The following NAV3 variants were observed in gnomAD, a reference collection of about 807,000 sequenced individuals.
NAV3 encodes the protein neuron navigator 3, also known as pore membrane and/or filament interacting like protein 1.
NAV3 carries 87 observed loss-of-function variants against 244.7 expected under a neutral mutation model. That is an observed-to-expected ratio of 0.36 (90% CI 0.30 to 0.42). The LOEUF (loss-of-function observed/expected upper bound fraction) is 0.42. NAV3 is among the 20% of genes least tolerant of loss of function. The probability of loss-of-function intolerance (pLI) is 1.00; values close to 1 mark genes in which losing one functional copy is unlikely to be tolerated. For synonymous variants in NAV3, 1,126 were observed against 1,042.2 expected (o/e 1.08, Z -1.55); for missense variants, 2,663 against 2,893.3 (o/e 0.92, Z 1.83).
At chr12:77,932,872 C>G (rs1227221694) in intron 1 of NAV3, among the ~76,000 whole-genome samples, 1 of 152,118 alleles carries the variant, frequency 6.6e-6, no homozygotes, top group Non-Finnish European at 1.5e-5. Context: ...CCAAATAGAA[C>G]TATACAAAAT....
At chr12:78,154,571 A>G (rs1957225408) in intron 22 of NAV3, among the ~76,000 whole-genome samples, 1 of 151,432 alleles carries the variant, frequency 6.6e-6, no homozygotes, top group Admixed American at 6.6e-5. Flanking sequence ...AACCAAAGAG[A>G]GTATGGATTG....
At chr12:78,147,650 T>C (rs1956917873) in intron 21 of NAV3, among the ~76,000 whole-genome samples, 1 of 151,516 alleles carries the variant, frequency 6.6e-6, no homozygotes, top group Non-Finnish European at 1.5e-5. Context: ...GAATCACATT[T>C]GGTGAAATTA....
chr12:77,870,062 T>A (rs1479440300), intron 1 of NAV3, among the ~76,000 whole-genome samples: 1 of 152,050 alleles, frequency 6.6e-6, no homozygotes, highest in Non-Finnish European at 1.5e-5. Context: ...AATGCAAAAG[T>A]AGTTGTATAA....
chr12:77,623,394 G>T (rs1871468574), intron 2 of NAV3, among the ~76,000 whole-genome samples: 1 of 152,136 alleles, frequency 6.6e-6, no homozygotes, highest in Non-Finnish European at 1.5e-5. Flanking sequence ...TTTTGAATTT[G>T]TAGAATATCT....
intron 18 of NAV3, 78 bp downstream of exon 18, chr12:78,128,944 AAC>A: frequency 7.4e-7 from 1 of 1,350,402 alleles, no homozygotes; most frequent in South Asian, 1.3e-5. Context: ...ATCTCTCCAT[AAC>A]ACAACACGTT....
chr12:77,741,514 T>C (rs1868337742), intron 2 of NAV3, among the ~76,000 whole-genome samples: 1 of 152,158 alleles, frequency 6.6e-6, no homozygotes, highest in African/African-American at 2.4e-5. Flanking sequence ...TTTAACTAGT[T>C]TTTAGTCTCA....
chr12:77,637,536 C>A (rs112972068), intron 2 of NAV3, among the ~76,000 whole-genome samples: 85 of 152,136 alleles, frequency 5.6e-4, no homozygotes, highest in African/African-American at 2.0e-3. Context: ...GTCCTAAACA[C>A]GTTATAAATA....
At position 77,691,674 on chromosome 12, in the gene NAV3, C is replaced by T. The variant is rs180865361; in HGVS notation, c.72+119408C>T. On this transcript the variant is annotated intron_variant, in intron 2 of 8. Coordinates refer to the NAV3 transcript ENST00000550042. Reference sequence around the variant, plus strand: ...CGTTGAATTTTCACAAATGGTGTACCTTTATTAAGGTGTATCTTATTGTTT... The same window carrying T: ...CGTTGAATTTTCACAAATGGTGTACTTTTATTAAGGTGTATCTTATTGTTT... 1.4e-4 allele frequency among the ~76,000 whole-genome samples: 21 copies of T among 151,452 alleles called. No homozygotes were observed. The East Asian group carries it at 3.3e-3, about 24-fold the overall frequency.
At chr12:78,110,383 T>G (rs2887727) in intron 12 of NAV3, among the ~76,000 whole-genome samples, 1 of 152,080 alleles carries the variant, frequency 6.6e-6, no homozygotes, top group Non-Finnish European at 1.5e-5. Flanking sequence ...CCACATTCAA[T>G]GCAATTTCTA....
At chr12:78,036,653 T>TGTAA (rs1481004084) in intron 9 of NAV3, 2 of 456,238 alleles carry the variant, frequency 4.4e-6, no homozygotes, top group African/African-American at 3.9e-5. Context: ...GCAAAATATT[T>TGTAA]GTAAGTACTG....
At chr12:78,087,924 G>A (rs547824496) in intron 12 of NAV3, among the ~76,000 whole-genome samples, 20 of 151,804 alleles carry the variant, frequency 1.3e-4, no homozygotes, top group Non-Finnish European at 2.8e-4. Context: ...ATTGCAAAAG[G>A]AGTATCAGAG....
At chr12:78,029,194 A>T (rs1878571815) in intron 9 of NAV3, among the ~76,000 whole-genome samples, 1 of 152,090 alleles carries the variant, frequency 6.6e-6, no homozygotes, top group Non-Finnish European at 1.5e-5. Flanking sequence ...AAAAAAAAAA[A>T]AATACTTTCA....
chr12:78,055,156 G>A (rs1040663583), intron 11 of NAV3, among the ~76,000 whole-genome samples: 2 of 152,116 alleles, frequency 1.3e-5, no homozygotes, highest in African/African-American at 4.8e-5. Context: ...GCCCACATGT[G>A]ACTCACATGA....
intron 38 of NAV3, among the ~76,000 whole-genome samples, chr12:78,201,024 ACTCTCTCTCTTTCT>A (rs1959621755): frequency 2.7e-5 from 1 of 37,572 alleles, no homozygotes; most frequent in African/African-American, 9.7e-5. Context: ...CCCCCTCCCC[ACTCTCTCTCTTTCT>A]CTCTCTCTCT....
At chr12:77,639,939 G>A (rs1872331610) in intron 2 of NAV3, among the ~76,000 whole-genome samples, 1 of 152,118 alleles carries the variant, frequency 6.6e-6, no homozygotes, top group Admixed American at 6.6e-5. Context: ...TCAAAAGGGG[G>A]GCACTAGTTT....
intron 2 of NAV3, among the ~76,000 whole-genome samples, chr12:77,761,404 C>T (rs1298665827): frequency 6.6e-6 from 1 of 152,084 alleles, no homozygotes; most frequent in African/African-American, 2.4e-5. Flanking sequence ...CTGCTATCTC[C>T]CAACATTGTT....
At chr12:78,054,786 A>G (rs1397694251) in intron 11 of NAV3, among the ~76,000 whole-genome samples, 1 of 152,134 alleles carries the variant, frequency 6.6e-6, no homozygotes, top group Non-Finnish European at 1.5e-5. Context: ...GTTAGAGAAA[A>G]TCGGCAGAGA....
At chr12:77,869,427 A>C (rs2082188512) in intron 1 of NAV3, among the ~76,000 whole-genome samples, 1 of 152,224 alleles carries the variant, frequency 6.6e-6, no homozygotes, top group Non-Finnish European at 1.5e-5. Flanking sequence ...CTTATTGCCC[A>C]CTATAATTGC....
chr12:77,883,893 G>A (rs1050634106), intron 1 of NAV3, among the ~76,000 whole-genome samples: 1 of 152,034 alleles, frequency 6.6e-6, no homozygotes, highest in Non-Finnish European at 1.5e-5. Context: ...AAATGTGATT[G>A]TATTTTCCTG....
Sources: gnomAD v4.1 joint callset for allele counts (sites outside exome capture counted in the v4.1 genomes callset) on GRCh38, gnomAD v4.1.1 for gene constraint, MANE v1.5 for transcripts, NCBI Gene and HGNC (gene_info 2026-07-23, HGNC 2026-07-21) for gene names.